The following DIAPH2 variants were observed in gnomAD, a reference collection of about 807,000 sequenced individuals.
The protein encoded by DIAPH2 is protein diaphanous homolog 2.
Under a neutral mutation model 92.7 loss-of-function variants are expected in DIAPH2, and 35 were observed. The observed-to-expected ratio is 0.38, with a 90% CI of 0.29 to 0.50. The LOEUF is 0.50. Ranked by LOEUF, DIAPH2 falls within the 20% of genes least tolerant of loss-of-function variation. The pLI is 0.94. For missense variants in DIAPH2, 701 were observed against 819.5 expected, an observed-to-expected ratio of 0.86 and a Z score of 1.77; for synonymous variants, 301 against 280.4, an observed-to-expected ratio of 1.07 and a Z score of -0.73.
chrX:97,038,208 A>G (rs936694518), intron 17 of DIAPH2, among the ~76,000 whole-genome samples: 4 of 111,486 alleles, frequency 3.6e-5, no homozygotes, highest in African/African-American at 1.3e-4. Context: ...TTTGTGGCTG[A>G]GTCGTATTCC....
chrX:97,437,408 C>T (rs767840419), intron 26 of DIAPH2, among the ~76,000 whole-genome samples: 15 of 111,676 alleles, frequency 1.3e-4, no homozygotes, highest in South Asian at 3.8e-4. Flanking sequence ...AGGGGCCAGG[C>T]AGCAGTGCTA....
chrX:97,273,079 C>T (rs1455870705), intron 23 of DIAPH2, among the ~76,000 whole-genome samples: 11 of 111,817 alleles, frequency 9.8e-5, no homozygotes, highest in African/African-American at 3.2e-4. Flanking sequence ...CGCTCAAACC[C>T]GGGAGGTGGA....
chrX:97,334,993 C>CAAAACAAAAA (rs2069042215), intron 23 of DIAPH2, among the ~76,000 whole-genome samples: 1 of 6,631 alleles, frequency 1.5e-4, no homozygotes, highest in Non-Finnish European at 4.6e-4. Context: ...AAAACAAAAA[C>CAAAACAAAAA]AAAACAAAAA....
At chrX:96,752,765 A>G (rs1334166423) in intron 3 of DIAPH2, among the ~76,000 whole-genome samples, 1 of 112,085 alleles carries the variant, frequency 8.9e-6, no homozygotes, top group African/African-American at 3.2e-5. Flanking sequence ...TAGCAAAACT[A>G]CAAACAACCT....
chrX:97,513,680 C>T (rs1385877683), intron 26 of DIAPH2, among the ~76,000 whole-genome samples: 2 of 37,812 alleles, frequency 5.3e-5, no homozygotes, highest in African/African-American at 2.4e-4. Flanking sequence ...GCGCTTCCTT[C>T]AGGAGCTCTT....
At chrX:96,844,022 T>C (rs1346976406) in intron 4 of DIAPH2, among the ~76,000 whole-genome samples, 1 of 112,195 alleles carries the variant, frequency 8.9e-6, no homozygotes, top group East Asian at 2.8e-4. Context: ...TTACCAGAGA[T>C]TTGTAAATAG....
chrX:97,454,853 C>CA (rs74581124), intron 26 of DIAPH2, among the ~76,000 whole-genome samples: 215 of 62,430 alleles, frequency 3.4e-3, no homozygotes, highest in South Asian at 0.012. Flanking sequence ...GACTTCGTCT[C>CA]AAAAAAAAAA....
intron 13 of DIAPH2, among the ~76,000 whole-genome samples, chrX:96,943,586 A>G (rs1424483320): frequency 9.0e-6 from 1 of 111,313 alleles, no homozygotes; most frequent in Admixed American, 9.6e-5. Context: ...GTTAGGACAC[A>G]TACACTATTG....
chrX:97,042,431 T>C lies in DIAPH2; in HGVS notation c.2051-30510T>C, dbSNP rs1485319656. On this transcript the variant is annotated intron_variant, in intron 17 of 26. Transcript: ENST00000324765. Reference sequence around the variant, plus strand: ...GAATATCAGACCATTGCTAATGTCATAAAATAAAATCCAGAAAATAGATGA... The same window carrying C: ...GAATATCAGACCATTGCTAATGTCACAAAATAAAATCCAGAAAATAGATGA... Among the ~76,000 whole-genome samples the C allele has an allele frequency of 6.3e-5, 7 of 111,906 alleles. No individual in the cohort carries two copies. The East Asian group carries it at 2.0e-3, about 31-fold the overall frequency.
At chrX:97,214,238 CAT>C (rs1177749253) in intron 22 of DIAPH2, among the ~76,000 whole-genome samples, 1 of 111,794 alleles carries the variant, frequency 8.9e-6, no homozygotes, top group East Asian at 2.8e-4. Flanking sequence ...TTGAAAACGA[CAT>C]GTTTTCAGTG....
Position 97,601,703 on chromosome X carries a change from A to AAAG in DIAPH2, c.*2387_*2389dup, listed in dbSNP as rs930851989. On this transcript the variant is annotated 3_prime_UTR_variant, in exon 27 of 27. Coordinates refer to ENST00000324765, the MANE Select transcript of DIAPH2 (RefSeq NM_006729.5). ...GCAGATTTTCTTCAGAATATTTTTAAAAGGTACAGAATCCTTAAAATATTA... is the reference window on the plus strand; with the variant it reads ...GCAGATTTTCTTCAGAATATTTTTAAAAGAAGGTACAGAATCCTTAAAATATTA... 5.3e-5 allele frequency: 6 copies of AAAG among 112,387 alleles called. No homozygotes were observed. The highest frequency in any genetic ancestry group is 1.6e-4 in the African/African-American group (5 of 30,924). The allele number at this position is 112,387 out of a possible 1,213,427, so 9.3% of individuals were successfully genotyped here.
At chrX:97,553,639 T>C (rs1254503821) in intron 26 of DIAPH2, among the ~76,000 whole-genome samples, 1 of 100,568 alleles carries the variant, frequency 9.9e-6, no homozygotes. Context: ...TCTGGCTGGC[T>C]TTAAAAAACT....
intron 1 of DIAPH2, among the ~76,000 whole-genome samples, chrX:96,725,613 GC>G (rs987815199): frequency 2.0e-4 from 22 of 111,362 alleles, no homozygotes; most frequent in Non-Finnish European, 4.0e-4. Flanking sequence ...ATGGGTTAAC[GC>G]CTTTGGATAC....
chrX:96,869,098 A>G (rs1296362875), intron 4 of DIAPH2, among the ~76,000 whole-genome samples: 4 of 111,315 alleles, frequency 3.6e-5, no homozygotes, highest in Non-Finnish European at 5.6e-5. Context: ...ATAAAAAATC[A>G]TATGTGGGAT....
At chrX:97,048,870 T>C (rs2066501681) in intron 17 of DIAPH2, among the ~76,000 whole-genome samples, 2 of 110,721 alleles carry the variant, frequency 1.8e-5, no homozygotes, top group Non-Finnish European at 3.8e-5. Flanking sequence ...CAGTGAGAGC[T>C]CCCTCAAGCT....
At chrX:96,986,318 C>G (rs2066031476) in intron 17 of DIAPH2, among the ~76,000 whole-genome samples, 1 of 111,364 alleles carries the variant, frequency 9.0e-6, no homozygotes, top group South Asian at 3.8e-4. Context: ...TATAAAAGGA[C>G]TTTGATGCAT....
chrX:97,307,856 C>T (rs1360657103), intron 23 of DIAPH2, among the ~76,000 whole-genome samples: 5 of 94,488 alleles, frequency 5.3e-5, no homozygotes, highest in Non-Finnish European at 1.0e-4. Flanking sequence ...TGCAGTGAGA[C>T]AAGATTGCGC....
intron 22 of DIAPH2, among the ~76,000 whole-genome samples, chrX:97,147,057 G>A (rs12852636): frequency 0.36 from 40,020 of 110,346 alleles, 6,302 homozygotes; most frequent in Non-Finnish European, 0.49. Context: ...AGGGAAAAGG[G>A]AGGAAAGTAG....
rs138720121 is a variant in DIAPH2, at chrX:96,902,402, A to G, written c.588-9926A>G. ...GGAATATTGAACTCTCCCACTCACT[A>G]TGTTGCTGTCTATTTCATTTCTTAG... On this transcript the variant is annotated intron_variant, in intron 5 of 26. Coordinates refer to ENST00000324765, the MANE Select transcript of DIAPH2 (RefSeq NM_006729.5). Among the ~76,000 whole-genome samples, 560 of 111,191 alleles carry G rather than the reference A, an allele frequency of 5.0e-3. 5 individuals carry two copies. The highest frequency in any genetic ancestry group is 0.018 in the African/African-American group (549 of 30,612).
Sources: gnomAD v4.1 joint callset for allele counts (sites outside exome capture counted in the v4.1 genomes callset) on GRCh38, gnomAD v4.1.1 for gene constraint, MANE v1.5 for transcripts, NCBI Gene and HGNC (gene_info 2026-07-23, HGNC 2026-07-21) for gene names.